Variants in SLC45A4 observed in about 807,000 individuals in gnomAD.
SLC45A4 encodes solute carrier family 45 member 4.
A neutral mutation model predicts 63.7 loss-of-function variants in SLC45A4; 32 were observed. The ratio of observed to expected loss-of-function variants is 0.50; its 90% CI spans 0.38 to 0.67. The LOEUF (loss-of-function observed/expected upper bound fraction) is 0.67. SLC45A4 is among the 30% of genes least tolerant of loss of function. The probability of loss-of-function intolerance (pLI) is 0.00; values close to 1 mark genes in which losing one functional copy is unlikely to be tolerated. For synonymous variants in SLC45A4, 535 were observed against 510.0 expected, an observed-to-expected ratio of 1.05 and a Z score of -0.66; for missense variants, 1,027 against 1,157.7, an observed-to-expected ratio of 0.89 and a Z score of 1.64.
In SLC45A4 at chr8:141,227,119, G is replaced by C. The variant is rs951404213; in HGVS notation, c.242-5354C>G. ...CCAAACACACACAACGCTGGGCCCA[G>C]TAAATAAGTTTTGTTTTTTCCCAGG... On this transcript the variant is annotated intron_variant, in intron 2 of 8. Coordinates refer to ENST00000517878, the MANE Select transcript of SLC45A4 (RefSeq NM_001286646.2). The surrounding 1 kb of genome is among the most constrained non-coding windows in gnomAD (Gnocchi z 4.4). Among the ~76,000 whole-genome samples, 1 of 152,208 alleles carries C rather than the reference G, an allele frequency of 6.6e-6. No homozygotes were observed. Among genetic ancestry groups the C allele is most frequent in the Non-Finnish European group, 1.5e-5 (1 of 68,040 alleles).
intron 2 of SLC45A4, among the ~76,000 whole-genome samples, chr8:141,239,274 C>T (rs1827783127): frequency 6.6e-6 from 1 of 152,184 alleles, no homozygotes; most frequent in South Asian, 2.1e-4. Flanking sequence ...AGCGTGCTAT[C>T]CACAGACATC....
chr8:141,227,794 C>G lies in SLC45A4; in HGVS notation c.242-6029G>C, dbSNP rs754401041. Among the ~76,000 whole-genome samples the G allele has an allele frequency of 3.9e-5, 6 of 152,198 alleles. No homozygotes were observed. Among genetic ancestry groups the G allele is most frequent in the Non-Finnish European group, 7.4e-5 (5 of 68,026 alleles). On this transcript the variant is annotated intron_variant, in intron 2 of 8. Transcript: ENST00000517878. This position sits in a 1 kb window ranked among gnomAD's most constrained non-coding sequence, Gnocchi z 4.4. The stretch of plus-strand genomic sequence containing the variant: ...GGCAAGCTCAGGTGCTTTTCCTGAG[C>G]CTACTACAAACCGGCCCGTCATTTA...
At chr8:141,252,903 AT>A in intron 2 of SLC45A4, among the ~76,000 whole-genome samples, 1 of 136,352 alleles carries the variant, frequency 7.3e-6, no homozygotes, top group African/African-American at 2.8e-5. Context: ...GTGTCTGTGA[AT>A]TTTCGTGTTT....
At position 141,209,866 on chromosome 8, in the gene SLC45A4, C is replaced by T. The variant is rs775250599; in HGVS notation, c.*1706G>A. 5.9e-5 allele frequency: 9 copies of T among 152,266 alleles called. No individual in the cohort carries two copies. The highest frequency in any genetic ancestry group is 1.3e-4 in the Admixed American group (2 of 15,288). 9.4% of individuals were successfully genotyped at this position (152,266 alleles called of 1,614,324 possible). On this transcript the variant is annotated 3_prime_UTR_variant, in exon 9 of 9. Coordinates refer to ENST00000517878, the MANE Select transcript of SLC45A4 (RefSeq NM_001286646.2). ...CCCCTCTTCCTCCTAAAAATCAAGT[C>T]GCAGCCAGGCCCTGAGACTTCTGCA...
chr8:141,224,453 GT>G, intron 2 of SLC45A4: 1 of 65,746 alleles, frequency 1.5e-5, no homozygotes, highest in Non-Finnish European at 4.2e-5. Context: ...GAGTTTTTTG[GT>G]TTTGTTTTGT....
Position 141,234,726 on chromosome 8 carries a change from C to T in SLC45A4, c.242-12961G>A, listed in dbSNP as rs149168949. Among the ~76,000 whole-genome samples the T allele has an allele frequency of 5.6e-3, 860 of 152,292 alleles. 13 individuals are homozygous for T. Among genetic ancestry groups the T allele is most frequent in the African/African-American group, 0.02 (817 of 41,558 alleles). ...GTGGCGGTGGCCTGAGGTGACCTCCCTGATAACTACACTGATGACAACAGG... is the reference window on the plus strand; with the variant it reads ...GTGGCGGTGGCCTGAGGTGACCTCCTTGATAACTACACTGATGACAACAGG... On this transcript the variant is annotated intron_variant, in intron 2 of 8. Transcript: ENST00000517878.
chr8:141,254,031 C>T lies in SLC45A4; in HGVS notation c.199G>A (p.Ala67Thr), dbSNP rs1828651813. The change falls in exon 2 of 9, where the codon GCC becomes ACC. Residue 67 changes from alanine to threonine, a missense_variant. By Grantham distance (58) the Ala-to-Thr change is moderately conservative. Transcript: ENST00000517878. This position sits in a 1 kb window ranked among gnomAD's most constrained non-coding sequence, Gnocchi z 4.5. ...GGTGTGACCAGAGCGGTTTCCATGG[C>T]GTAACAGAACTCCCTGCCAAACATC... Reference protein sequence around the residue: ...AVMFGREFCYAMETALVTPIL... With the variant: ...AVMFGREFCYTMETALVTPIL... 6 of 1,536,136 alleles carry T rather than the reference C, an allele frequency of 3.9e-6. No individual in the cohort carries two copies. The highest frequency in any genetic ancestry group is 5.2e-6 in the Non-Finnish European group (6 of 1,146,910).
chr8:141,269,991 G>A (rs1218140218), intron 1 of SLC45A4, among the ~76,000 whole-genome samples: 5 of 152,042 alleles, frequency 3.3e-5, no homozygotes, highest in Non-Finnish European at 7.4e-5. Context: ...ATATGGGGCG[G>A]CCTGGCCCAA....
chr8:141,232,397 T>C (rs1263293598), intron 2 of SLC45A4, among the ~76,000 whole-genome samples: 1 of 152,264 alleles, frequency 6.6e-6, no homozygotes, highest in Non-Finnish European at 1.5e-5. Flanking sequence ...TATATACTGC[T>C]GTTTGTAGCT....
At chr8:141,272,346 C>T (rs540008511) in intron 1 of SLC45A4, among the ~76,000 whole-genome samples, 61 of 152,330 alleles carry the variant, frequency 4.0e-4, no homozygotes, top group South Asian at 1.0e-3. Flanking sequence ...TCACGCGCTA[C>T]GGCTGATCTC....
At chr8:141,233,263 T>G (rs1827458356) in intron 2 of SLC45A4, among the ~76,000 whole-genome samples, 2 of 152,184 alleles carry the variant, frequency 1.3e-5, no homozygotes, top group Non-Finnish European at 2.9e-5. Flanking sequence ...TGCCACACAC[T>G]GATTTAGATG....
intron 1 of SLC45A4, among the ~76,000 whole-genome samples, chr8:141,305,201 G>A (rs115841035): frequency 5.1e-4 from 77 of 152,314 alleles, no homozygotes; most frequent in African/African-American, 1.9e-3. Flanking sequence ...TGATTTTGGT[G>A]GGGTAATTAA....
intron 1 of SLC45A4, among the ~76,000 whole-genome samples, chr8:141,255,638 C>T (rs1327233023): frequency 6.6e-6 from 1 of 152,146 alleles, no homozygotes; most frequent in Non-Finnish European, 1.5e-5. Flanking sequence ...ATCACTTGAA[C>T]CCGGGAGGTG....
intron 2 of SLC45A4, 109 bp downstream of exon 2, chr8:141,253,880 C>T (rs1166587435): frequency 3.4e-6 from 5 of 1,461,444 alleles, no homozygotes; most frequent in East Asian, 2.5e-5. Flanking sequence ...CTCCAGTGCC[C>T]GGGGCTCTCC....
intron 2 of SLC45A4, among the ~76,000 whole-genome samples, chr8:141,243,403 C>T (rs1022490293): frequency 2.0e-4 from 31 of 152,210 alleles, no homozygotes; most frequent in African/African-American, 7.5e-4. Flanking sequence ...CAGGAAAAGC[C>T]GTTCCTTCCG....
chr8:141,280,267 C>T (rs1008051966), intron 1 of SLC45A4, among the ~76,000 whole-genome samples: 11 of 152,276 alleles, frequency 7.2e-5, no homozygotes, highest in Admixed American at 3.9e-4. Context: ...CTCGTGAGGG[C>T]GGGACTGCGA....
chr8:141,284,606 C>T (rs945394764), intron 1 of SLC45A4, among the ~76,000 whole-genome samples: 7 of 152,206 alleles, frequency 4.6e-5, no homozygotes, highest in Admixed American at 2.0e-4. Flanking sequence ...AAACCTCCTA[C>T]GGTGAACAGT....
chr8:141,270,281 C>T (rs917849228), intron 1 of SLC45A4, among the ~76,000 whole-genome samples: 3 of 151,708 alleles, frequency 2.0e-5, no homozygotes, highest in African/African-American at 7.3e-5. Flanking sequence ...AATCCTAGCA[C>T]TTTGGGAGGC....
In SLC45A4 at chr8:141,256,774, C is replaced by A; in HGVS notation, c.-400-2145G>T. On this transcript the variant is annotated intron_variant, in intron 1 of 8. Transcript: ENST00000517878. This position sits in a 1 kb window ranked among gnomAD's most constrained non-coding sequence, Gnocchi z 4.3. ...TTCTTTCAAGTTTTCCAAATGTCCT[C>A]TACCGTAGAAACATCTCAATTAAAA... is the stretch of plus-strand genomic sequence containing the variant. The A allele has an allele frequency of 2.6e-6, 1 of 377,516 alleles. No individual in the cohort carries two copies. The highest frequency in any genetic ancestry group is 5.4e-6 in the Non-Finnish European group (1 of 184,398). The allele number at this position is 377,516 out of a possible 1,614,324, so 23.4% of individuals were successfully genotyped here.
Sources: allele counts gnomAD v4.1 joint callset (sites outside exome capture counted in the v4.1 genomes callset), GRCh38; gene constraint gnomAD v4.1.1; non-coding constraint Gnocchi (gnomAD v3.1); transcripts MANE v1.5; gene names NCBI Gene and HGNC (gene_info 2026-07-23, HGNC 2026-07-21).